Variants in PODXL observed in about 807,000 individuals in gnomAD.
PODXL encodes podocalyxin.
PODXL carries 20 observed loss-of-function variants against 48.9 expected under a neutral mutation model. That is an observed-to-expected ratio of 0.41 (90% CI 0.29 to 0.59). The LOEUF (loss-of-function observed/expected upper bound fraction) is 0.59. Ranked by LOEUF, PODXL falls within the 20% of genes least tolerant of loss-of-function variation. The pLI, the probability that PODXL is intolerant of heterozygous loss-of-function variation, is 0.31. For missense variants in PODXL, 606 were observed against 675.1 expected (o/e 0.90, Z 1.13); for synonymous variants, 295 against 287.4 (o/e 1.03, Z -0.27).
At chr7:131,543,218 A>G (rs894756943) in intron 1 of PODXL, among the ~76,000 whole-genome samples, 14 of 152,100 alleles carry the variant, frequency 9.2e-5, no homozygotes, top group African/African-American at 3.4e-4. Flanking sequence ...TCAAACTTCT[A>G]GGCTTAGCAA....
Position 131,505,871 on chromosome 7 carries a change from G to A in PODXL, c.1476C>T (p.Asp492=). 6.4e-7 allele frequency: 1 copy of A among 1,560,528 alleles called. No individual in the cohort carries two copies. Among genetic ancestry groups the A allele is most frequent in the Non-Finnish European group, 8.7e-7 (1 of 1,152,152 alleles). ...GTGGCTGCAAACAGCTGCTTACCTG[G>A]TCCTTCCTCTGGGAGAGGCGCTGGT... is the stretch of plus-strand genomic sequence containing the variant. ...CCHQRLSQRK[D]QQRLTEELQT... Residue 492 remains aspartate, a synonymous_variant, in exon 8 of 9, where the codon GAC becomes GAT. Coordinates refer to ENST00000378555, the MANE Select transcript of PODXL (RefSeq NM_001018111.3).
intron 5 of PODXL, chr7:131,506,988 T>C: frequency 2.1e-6 from 1 of 466,232 alleles, no homozygotes; most frequent in Non-Finnish European, 3.9e-6. Flanking sequence ...CGCTTGCACC[T>C]TTCATTCCTT....
At chr7:131,507,702 C>G (rs1219484364) in intron 5 of PODXL, among the ~76,000 whole-genome samples, 2 of 151,408 alleles carry the variant, frequency 1.3e-5, no homozygotes, top group African/African-American at 4.8e-5. Flanking sequence ...AACAATCACA[C>G]AGCCTACCAA....
chr7:131,519,949 T>A (rs1833493), intron 1 of PODXL, among the ~76,000 whole-genome samples: 78,387 of 151,840 alleles, frequency 0.52, 20,599 homozygotes, highest in East Asian at 0.83. Flanking sequence ...GGACTCAAAC[T>A]CCTGGGCTCA....
chr7:131,512,121 A>G (rs1562905257), intron 1 of PODXL, among the ~76,000 whole-genome samples: 2 of 152,262 alleles, frequency 1.3e-5, no homozygotes, highest in African/African-American at 2.4e-5. Context: ...TACACAAATT[A>G]CTATTTCAGT....
chr7:131,552,765 A>G (rs1303479130), intron 1 of PODXL, among the ~76,000 whole-genome samples: 1 of 151,908 alleles, frequency 6.6e-6, no homozygotes, highest in African/African-American at 2.4e-5. Flanking sequence ...GAACACCCAC[A>G]TTCCCCCACC....
chr7:131,544,565 A>G lies in PODXL; in HGVS notation c.100+11695T>C, dbSNP rs74603060. On this transcript the variant is annotated intron_variant, in intron 1 of 8. Transcript: ENST00000378555. The stretch of plus-strand genomic sequence containing the variant: ...AAGCAACTTTTTGGGCGGTGCTCTC[A>G]GGGCCTCCAGATCAGGGAGGCGTGG... 3.2e-3 allele frequency among the ~76,000 whole-genome samples: 480 copies of G among 152,274 alleles called. 3 individuals are homozygous for G. Among genetic ancestry groups the G allele is most frequent in the African/African-American group, 0.01 (436 of 41,570 alleles).
chr7:131,547,143 T>C (rs978809047), intron 1 of PODXL, among the ~76,000 whole-genome samples: 3 of 152,128 alleles, frequency 2.0e-5, no homozygotes, highest in South Asian at 2.1e-4. Context: ...GGGAGGCTGA[T>C]TAGGCGGATC....
At chr7:131,544,943 G>A (rs1312542470) in intron 1 of PODXL, among the ~76,000 whole-genome samples, 1 of 152,148 alleles carries the variant, frequency 6.6e-6, no homozygotes, top group Non-Finnish European at 1.5e-5. Context: ...TGACAGTGCT[G>A]GCTACCAGAA....
chr7:131,504,805 C>G (rs888762996), intron 8 of PODXL, among the ~76,000 whole-genome samples: 2 of 152,194 alleles, frequency 1.3e-5, no homozygotes, highest in African/African-American at 4.8e-5. Context: ...CATCCCTTCC[C>G]CCAAAACCTC....
At chr7:131,554,768 C>T (rs909194276) in intron 1 of PODXL, among the ~76,000 whole-genome samples, 1 of 152,170 alleles carries the variant, frequency 6.6e-6, no homozygotes, top group Non-Finnish European at 1.5e-5. Context: ...AGCCCAACGC[C>T]CTTCTGGGTG....
At position 131,501,035 on chromosome 7, in the gene PODXL, T is replaced by C. The variant is rs59996075; in HGVS notation, c.*3276A>G. 76 of 152,338 alleles carry C rather than the reference T, an allele frequency of 5.0e-4. No homozygotes were observed. Among genetic ancestry groups the C allele is most frequent in the African/African-American group, 1.6e-3 (65 of 41,544 alleles). The allele number at this position is 152,338 out of a possible 1,614,324, so 9.4% of individuals were successfully genotyped here. A position where few individuals can be genotyped will look rare whatever the true frequency, so the allele number is the denominator to read the frequency against. ...AGGGTTGCCTGCCAACCAGAGCATA[T>C]TGACTCCAACCTTTACTGAAATGGA... On this transcript the variant is annotated 3_prime_UTR_variant, in exon 9 of 9. Transcript: ENST00000378555.
At chr7:131,551,360 C>A (rs1032284057) in intron 1 of PODXL, among the ~76,000 whole-genome samples, 1 of 152,184 alleles carries the variant, frequency 6.6e-6, no homozygotes, top group African/African-American at 2.4e-5. Flanking sequence ...AGGAAATGAG[C>A]CCAGAGCTGG....
intron 1 of PODXL, among the ~76,000 whole-genome samples, chr7:131,542,317 A>T (rs1285536927): frequency 6.6e-6 from 1 of 152,110 alleles, no homozygotes; most frequent in African/African-American, 2.4e-5. Context: ...GGCCAAGTTT[A>T]TTTGGCCACT....
At chr7:131,532,586 G>A (rs1446690573) in intron 1 of PODXL, among the ~76,000 whole-genome samples, 1 of 152,032 alleles carries the variant, frequency 6.6e-6, no homozygotes, top group Non-Finnish European at 1.5e-5. Context: ...GACTCCTGGG[G>A]TTGTGCTCTT....
At chr7:131,523,733 A>G (rs1798128193) in intron 1 of PODXL, among the ~76,000 whole-genome samples, 1 of 151,166 alleles carries the variant, frequency 6.6e-6, no homozygotes, top group Non-Finnish European at 1.5e-5. Context: ...GAAAAACCAT[A>G]TGATCAGCAG....
intron 1 of PODXL, among the ~76,000 whole-genome samples, chr7:131,534,524 G>A (rs1798338243): frequency 6.6e-6 from 1 of 152,302 alleles, no homozygotes; most frequent in Middle Eastern, 3.4e-3. Context: ...AGGGGTGGCC[G>A]GCGGGGGTAG....
chr7:131,510,345 A>G lies in PODXL; in HGVS notation c.707-14T>C. The G allele has an allele frequency of 3.5e-6, 1 of 289,348 alleles. No homozygotes were observed. Among genetic ancestry groups the G allele is most frequent in the East Asian group, 1.2e-4 (1 of 8,340 alleles). The allele number at this position is 289,348 out of a possible 1,614,324, so 17.9% of individuals were successfully genotyped here. ...ACACTGTCTCTACTTGAAAAAAAAAAAAAAAAAAAAAAAAAAATTAGCTGG... is the reference window on the plus strand; with the variant it reads ...ACACTGTCTCTACTTGAAAAAAAAAGAAAAAAAAAAAAAAAAATTAGCTGG... On this transcript the variant is annotated splice_polypyrimidine_tract_variant and intron_variant, in intron 2 of 8. Coordinates refer to ENST00000378555, the MANE Select transcript of PODXL (RefSeq NM_001018111.3).
chr7:131,504,021 G>A lies in PODXL; in HGVS notation c.*290C>T, dbSNP rs934003291. On this transcript the variant is annotated 3_prime_UTR_variant, in exon 9 of 9. Transcript: ENST00000378555. ...TCGGCAATCTCACTGCAGAATGAAG[G>A]GATTCCACTAGTTCATCTATAAAGT... 12 of 452,830 alleles carry A rather than the reference G, an allele frequency of 2.7e-5. No individual in the cohort carries two copies. The highest frequency in any genetic ancestry group is 4.4e-5 in the Non-Finnish European group (11 of 248,774). The allele number at this position is 452,830 out of a possible 1,614,324, so 28.1% of individuals were successfully genotyped here.
Sources: gnomAD v4.1 joint callset for allele counts (sites outside exome capture counted in the v4.1 genomes callset) on GRCh38, gnomAD v4.1.1 for gene constraint, MANE v1.5 for transcripts, NCBI Gene and HGNC (gene_info 2026-07-23, HGNC 2026-07-21) for gene names.